Variants in NOL4 observed in about 807,000 individuals in gnomAD.
The protein encoded by NOL4 is nucleolar protein 4.
A neutral mutation model predicts 75.9 loss-of-function variants in NOL4; 17 were observed. That is an observed-to-expected ratio of 0.22 (90% CI 0.15 to 0.34). The LOEUF (loss-of-function observed/expected upper bound fraction) is 0.34. Ranked by LOEUF, NOL4 falls within the 10% of genes least tolerant of loss-of-function variation. NOL4 has a pLI of 1.00. For synonymous variants in NOL4, 292 were observed against 289.9 expected (o/e 1.01, Z -0.07); for missense variants, 614 against 793.5 (o/e 0.77, Z 2.72).
intron 1 of NOL4, among the ~76,000 whole-genome samples, chr18:34,187,198 T>A (rs919655327): frequency 6.6e-6 from 1 of 152,134 alleles, no homozygotes; most frequent in African/African-American, 2.4e-5. Flanking sequence ...CCCTCCCTCC[T>A]CCTTAACCCC....
At chr18:33,974,383 T>A (rs866719973) in intron 6 of NOL4, among the ~76,000 whole-genome samples, 1 of 152,324 alleles carries the variant, frequency 6.6e-6, no homozygotes, top group South Asian at 2.1e-4. Context: ...ATATCAGCAA[T>A]AAAGCTGTTT....
chr18:33,898,830 G>A (rs2144945190), intron 9 of NOL4, among the ~76,000 whole-genome samples: 1 of 152,114 alleles, frequency 6.6e-6, no homozygotes, highest in Admixed American at 6.6e-5. Context: ...CTTGCATGCA[G>A]AGCTCTTCAG....
intron 9 of NOL4, among the ~76,000 whole-genome samples, chr18:33,903,059 C>T (rs754118082): frequency 2.0e-5 from 3 of 152,088 alleles, no homozygotes; most frequent in Admixed American, 6.6e-5. Flanking sequence ...CTTGTCAAAG[C>T]TATAAAGTTA....
At chr18:33,869,063 C>T (rs1274751725) in intron 10 of NOL4, among the ~76,000 whole-genome samples, 1 of 151,834 alleles carries the variant, frequency 6.6e-6, no homozygotes, top group Non-Finnish European at 1.5e-5. Flanking sequence ...AATAACCTAA[C>T]AAATATGTAG....
intron 1 of NOL4, among the ~76,000 whole-genome samples, chr18:34,131,366 T>A (rs1435813005): frequency 6.6e-6 from 1 of 152,068 alleles, no homozygotes; most frequent in Non-Finnish European, 1.5e-5. Context: ...TGAAGCAACA[T>A]ATTCAGACAA....
intron 5 of NOL4, among the ~76,000 whole-genome samples, chr18:34,083,615 T>G (rs888472552): frequency 2.0e-5 from 3 of 152,186 alleles, no homozygotes; most frequent in Non-Finnish European, 4.4e-5. Flanking sequence ...TTTACAAATA[T>G]AGAAAAGGTT....
At chr18:33,901,216 C>T (rs538194341) in intron 9 of NOL4, among the ~76,000 whole-genome samples, 2 of 152,112 alleles carry the variant, frequency 1.3e-5, no homozygotes, top group East Asian at 3.9e-4. Context: ...ACCAAAAACA[C>T]AATAGTCTTT....
intron 9 of NOL4, among the ~76,000 whole-genome samples, chr18:33,901,335 T>C (rs1256938386): frequency 6.6e-6 from 1 of 152,096 alleles, no homozygotes; most frequent in Non-Finnish European, 1.5e-5. Flanking sequence ...AACTTTAAGG[T>C]TCTTACTTAG....
At chr18:34,019,772 G>A (rs372625580) in intron 5 of NOL4, among the ~76,000 whole-genome samples, 171 bp from the exon 6 acceptor site, 99 of 150,414 alleles carry the variant, frequency 6.6e-4, no homozygotes, top group African/African-American at 2.3e-3. Context: ...AATCTAGTAG[G>A]CACATGATAA....
intron 9 of NOL4, among the ~76,000 whole-genome samples, chr18:33,917,999 C>T (rs1187586770): frequency 6.6e-6 from 1 of 152,134 alleles, no homozygotes; most frequent in African/African-American, 2.4e-5. Flanking sequence ...TTATTGTTGT[C>T]ATTGTACAAA....
chr18:33,912,381 T>C (rs1446135177), intron 9 of NOL4, among the ~76,000 whole-genome samples: 1 of 152,094 alleles, frequency 6.6e-6, no homozygotes, highest in Non-Finnish European at 1.5e-5. Context: ...TATGAAATTA[T>C]AGATAGGACA....
intron 2 of NOL4, among the ~76,000 whole-genome samples, chr18:34,107,432 C>A (rs568551334): frequency 3.9e-5 from 6 of 152,082 alleles, no homozygotes; most frequent in Admixed American, 3.3e-4. Flanking sequence ...CTTGCCATGT[C>A]ACTATCTATT....
intron 10 of NOL4, among the ~76,000 whole-genome samples, chr18:33,864,465 A>G (rs1003422664): frequency 2.0e-5 from 3 of 152,104 alleles, no homozygotes; most frequent in Non-Finnish European, 4.4e-5. Flanking sequence ...TCCAGTTCCC[A>G]AGAAGTTTCT....
At chr18:34,198,149 A>C (rs1012976788) in intron 1 of NOL4, among the ~76,000 whole-genome samples, 21 of 151,940 alleles carry the variant, frequency 1.4e-4, no homozygotes, top group Non-Finnish European at 5.9e-5. Context: ...CAGAATAAAA[A>C]CAACTTGAAT....
At chr18:33,934,150 T>A (rs1359062634) in intron 9 of NOL4, among the ~76,000 whole-genome samples, 1 of 131,558 alleles carries the variant, frequency 7.6e-6, no homozygotes, top group Non-Finnish European at 1.6e-5. Context: ...GAAAGGAATC[T>A]TTTTTTTTTA....
intron 10 of NOL4, among the ~76,000 whole-genome samples, chr18:33,867,295 T>A (rs909747318): frequency 6.6e-6 from 1 of 152,284 alleles, no homozygotes; most frequent in East Asian, 1.9e-4. Context: ...ATTAAACTTG[T>A]GTTCAAGTTC....
At chr18:34,127,427 A>G (rs910487105) in intron 2 of NOL4, among the ~76,000 whole-genome samples, 6 of 151,898 alleles carry the variant, frequency 4.0e-5, no homozygotes, top group Admixed American at 2.6e-4. Context: ...AAGAAGGTCA[A>G]TAAACATAAT....
intron 6 of NOL4, among the ~76,000 whole-genome samples, chr18:33,996,359 C>T (rs2073285451): frequency 6.6e-6 from 1 of 151,690 alleles, no homozygotes; most frequent in African/African-American, 2.4e-5. Context: ...TATTTCTGTA[C>T]ATTTGTAATG....
chr18:33,852,943 T>C lies in NOL4; in HGVS notation c.1816A>G (p.Ile606Val), dbSNP rs1426641330. Residue 606 changes from isoleucine to valine, a missense_variant, in exon 11 of 11, where the codon ATC (isoleucine) becomes GTC (valine). Physicochemically the swap from Ile to Val is conservative, Grantham distance 29. This residue lies in a region of NOL4 where 128 missense variants were observed against 159.9 expected (regional missense o/e 0.80). Transcript: ENST00000261592. ...NSRPQLSPTEINAVRQLVAGY... is the reference protein window; with the variant it reads ...NSRPQLSPTEVNAVRQLVAGY... ...GCAACAAGCTGTCTCACGGCATTGATTTCAGTTGGACTCAGCTGGGGTCTG... is the reference window on the plus strand; with the variant it reads ...GCAACAAGCTGTCTCACGGCATTGACTTCAGTTGGACTCAGCTGGGGTCTG... The C allele has an allele frequency of 5.6e-6, 9 of 1,613,102 alleles. No homozygotes were observed. In the Admixed American group the frequency reaches 1.5e-4, roughly 27 times the overall value.
Sources: gnomAD v4.1 joint callset for allele counts (sites outside exome capture counted in the v4.1 genomes callset) on GRCh38, gnomAD v4.1.1 for gene constraint, gnomAD v4.1.1 regional missense constraint, MANE v1.5 for transcripts, NCBI Gene and HGNC (gene_info 2026-07-23, HGNC 2026-07-21) for gene names.